Variants in FAM193A observed in about 807,000 individuals in gnomAD.
FAM193A encodes protein FAM193A.
In FAM193A, 22 loss-of-function variants were observed where a neutral mutation model predicts 126.5. The ratio of observed to expected loss-of-function variants is 0.17; its 90% CI spans 0.12 to 0.25. The LOEUF is 0.25. Ranked by LOEUF, FAM193A falls within the 10% of genes least tolerant of loss-of-function variation. The pLI is 1.00. For synonymous variants in FAM193A, 761 were observed against 646.8 expected (o/e 1.18, Z -2.68); for missense variants, 1,675 against 1,672.8 (o/e 1.00, Z -0.02).
intron 1 of FAM193A, among the ~76,000 whole-genome samples, chr4:2,583,197 C>T (rs914440845): frequency 1.3e-5 from 2 of 152,226 alleles, no homozygotes; most frequent in African/African-American, 4.8e-5. Context: ...TGGTGCCAAA[C>T]TCCTGACCTC....
intron 2 of FAM193A, among the ~76,000 whole-genome samples, chr4:2,607,169 A>G (rs985087762): frequency 2.6e-5 from 4 of 152,194 alleles, no homozygotes; most frequent in African/African-American, 9.7e-5. Context: ...GAATATTCAG[A>G]AGACTTGTGC....
In FAM193A at chr4:2,732,296, G is replaced by T. The variant is rs568314982; in HGVS notation, c.*428G>T. 12 of 206,072 alleles carry T rather than the reference G, an allele frequency of 5.8e-5. No individual in the cohort carries two copies. The highest frequency in any genetic ancestry group is 1.0e-4 in the Non-Finnish European group (10 of 100,094). 12.8% of individuals were successfully genotyped at this position (206,072 alleles called of 1,614,324 possible). On this transcript the variant is annotated 3_prime_UTR_variant, in exon 21 of 21. Transcript: ENST00000637812. ...TCTCACCCTAGGCGGGCTGGGCGGGGCAGGCCTCCTTTGTTCTCCACAATC... is the reference window on the plus strand; with the variant it reads ...TCTCACCCTAGGCGGGCTGGGCGGGTCAGGCCTCCTTTGTTCTCCACAATC...
At chr4:2,653,381 G>T (rs1357999100) in intron 7 of FAM193A, among the ~76,000 whole-genome samples, 1 of 152,158 alleles carries the variant, frequency 6.6e-6, no homozygotes, top group Non-Finnish European at 1.5e-5. Flanking sequence ...AAAATTGCAT[G>T]TTACATTGCT....
intron 18 of FAM193A, 87 bp from the exon 19 acceptor site, chr4:2,699,593 C>T (rs17774505): frequency 0.038 from 50,796 of 1,329,946 alleles, 1,206 homozygotes; most frequent in Middle Eastern, 0.08. Context: ...ATATGTGATT[C>T]GTTTTTGAAA....
chr4:2,578,728 G>T (rs1380739741), intron 1 of FAM193A, among the ~76,000 whole-genome samples: 1 of 152,052 alleles, frequency 6.6e-6, no homozygotes, highest in Non-Finnish European at 1.5e-5. Context: ...CAAATATTTT[G>T]CTTCTTATAG....
Position 2,731,865 on chromosome 4 carries a change from C to T in FAM193A, c.4545C>T (p.His1515=). 6.2e-7 allele frequency: 1 copy of T among 1,611,504 alleles called. No homozygotes were observed. The highest frequency in any genetic ancestry group is 1.3e-5 in the African/African-American group (1 of 75,018). ...FSLKKATFAA[H] Reference sequence around the variant, plus strand: ...TGAAAAAAGCCACCTTTGCTGCCCACTGAATGAGGACTCCCTGGAGAGGGA... The same window carrying T: ...TGAAAAAAGCCACCTTTGCTGCCCATTGAATGAGGACTCCCTGGAGAGGGA... Residue 1515 remains histidine, a synonymous_variant, in exon 21 of 21, where the codon CAC becomes CAT. Transcript: ENST00000637812.
intron 13 of FAM193A, among the ~76,000 whole-genome samples, chr4:2,673,387 A>G (rs902964278): frequency 2.0e-5 from 3 of 152,204 alleles, no homozygotes; most frequent in Non-Finnish European, 2.9e-5. Context: ...CATGTAGCCC[A>G]TAAGTGAGGT....
chr4:2,571,694 C>T (rs898683930), intron 1 of FAM193A, among the ~76,000 whole-genome samples: 1 of 151,778 alleles, frequency 6.6e-6, no homozygotes, highest in Non-Finnish European at 1.5e-5. Flanking sequence ...AGCGTGCCAC[C>T]AAGCCCAGCT....
intron 20 of FAM193A, among the ~76,000 whole-genome samples, chr4:2,717,890 G>A (rs1038697962): frequency 3.3e-5 from 5 of 151,968 alleles, no homozygotes; most frequent in African/African-American, 1.2e-4. Flanking sequence ...CTGACCTCAG[G>A]TGATCCACCC....
chr4:2,718,046 A>G (rs1719734584), intron 20 of FAM193A, among the ~76,000 whole-genome samples: 2 of 152,220 alleles, frequency 1.3e-5, no homozygotes, highest in Non-Finnish European at 2.9e-5. Context: ...AACTTTTTAG[A>G]GCTGTTTATG....
At chr4:2,604,236 G>A (rs1187153363) in intron 2 of FAM193A, among the ~76,000 whole-genome samples, 2 of 142,710 alleles carry the variant, frequency 1.4e-5, no homozygotes, top group Non-Finnish European at 3.2e-5. Context: ...ATTAATCACT[G>A]TATTTGCTGT....
At chr4:2,566,338 C>T (rs1170989331) in intron 1 of FAM193A, among the ~76,000 whole-genome samples, 5 of 152,146 alleles carry the variant, frequency 3.3e-5, no homozygotes, top group Non-Finnish European at 7.4e-5. Context: ...TGAGCCACCG[C>T]GCCTGGCCAA....
At chr4:2,716,398 G>A (rs939385514) in intron 20 of FAM193A, among the ~76,000 whole-genome samples, 2 of 152,090 alleles carry the variant, frequency 1.3e-5, no homozygotes, top group African/African-American at 4.8e-5. Context: ...CTTCTGAGGC[G>A]GTGGCTCTCC....
chr4:2,636,810 T>A (rs996611173), intron 5 of FAM193A, among the ~76,000 whole-genome samples: 4 of 152,220 alleles, frequency 2.6e-5, no homozygotes, highest in African/African-American at 9.6e-5. Context: ...TGAAGCAACA[T>A]GTTAATTTGC....
intron 13 of FAM193A, among the ~76,000 whole-genome samples, chr4:2,678,946 T>C (rs1017225740): frequency 1.6e-4 from 25 of 152,312 alleles, no homozygotes; most frequent in Admixed American, 1.5e-3. Context: ...CCGGCTGAAA[T>C]TTCTAATACT....
chr4:2,654,905 C>A, intron 7 of FAM193A: 1 of 463,124 alleles, frequency 2.2e-6, no homozygotes, highest in Non-Finnish European at 3.9e-6. Context: ...TGCCCTGTGA[C>A]CAGTCATCTC....
intron 13 of FAM193A, 64 bp downstream of exon 13, chr4:2,672,436 TCAAA>T (rs1254747562): frequency 7.6e-6 from 12 of 1,569,886 alleles, no homozygotes; most frequent in South Asian, 2.3e-5. Context: ...GAGTACATAG[TCAAA>T]CAAAGAAATC....
chr4:2,569,539 C>CCCGGT (rs1176490172), intron 1 of FAM193A, among the ~76,000 whole-genome samples: 6 of 152,126 alleles, frequency 3.9e-5, no homozygotes, highest in African/African-American at 1.4e-4. Flanking sequence ...TTCTCCGTCA[C>CCCGGT]CCGGTCCGGA....
intron 2 of FAM193A, among the ~76,000 whole-genome samples, chr4:2,603,616 C>A (rs986482773): frequency 1.3e-5 from 2 of 151,186 alleles, no homozygotes; most frequent in Admixed American, 6.6e-5. Flanking sequence ...GCCACCACGC[C>A]TGACTAATTT....
Sources: allele counts gnomAD v4.1 joint callset (sites outside exome capture counted in the v4.1 genomes callset), GRCh38; gene constraint gnomAD v4.1.1; transcripts MANE v1.5; gene names NCBI Gene and HGNC (gene_info 2026-07-23, HGNC 2026-07-21).